TNXB: variants seen among roughly 807,000 people sequenced by gnomAD.
TNXB encodes the protein tenascin XB.
In TNXB, 183 loss-of-function variants were observed where a neutral mutation model predicts 340.5. The ratio of observed to expected loss-of-function variants is 0.54; its 90% CI spans 0.48 to 0.61. The LOEUF (loss-of-function observed/expected upper bound fraction) is 0.61. Ranked by LOEUF, TNXB falls within the 20% of genes least tolerant of loss-of-function variation. The pLI is 0.00. For synonymous variants in TNXB, 2,121 were observed against 2,314.5 expected (o/e 0.92, Z 2.40); for missense variants, 4,613 against 5,446.4 (o/e 0.85, Z 4.82).
In TNXB at chr6:32,084,304, A is replaced by G. The variant is rs1224210893; in HGVS notation, c.3445+109T>C. 7.3e-6 allele frequency: 8 copies of G among 1,101,310 alleles called. No individual in the cohort carries two copies. The African/African-American group carries it at 1.3e-4, about 17-fold the overall frequency. 68.2% of individuals were successfully genotyped at this position (1,101,310 alleles called of 1,614,324 possible). A position where few individuals can be genotyped will look rare whatever the true frequency, so the allele number is the denominator to read the frequency against. On this transcript the variant is annotated intron_variant, in intron 8 of 43. Coordinates refer to ENST00000644971, the MANE Select transcript of TNXB (RefSeq NM_001365276.2). The surrounding 1 kb of genome is among the most constrained non-coding windows in gnomAD (Gnocchi z 5.5). ...TTTCCCTTCAGAATTCAGCTCATGC[A>G]CCACTGCCTCCAGGAAGCCTTCCCG... is the stretch of plus-strand genomic sequence containing the variant.
rs1237120601 is a variant in TNXB at position 32,081,455 on chromosome 6, G to C, written c.3955C>G (p.Leu1319Val). 1 of 1,589,964 alleles carries C rather than the reference G, an allele frequency of 6.3e-7. No individual in the cohort carries two copies. The highest frequency in any genetic ancestry group is 1.3e-5 in the African/African-American group (1 of 74,602). ...GDENEVTVPG[L>V]DPDRKYKMNL... ...ATCTTATACTTCCGGTCGGGATCCA[G>C]GCCGGGGACAGTAACCTCATTCTCA... is the stretch of plus-strand genomic sequence containing the variant. Residue 1319 changes from leucine to valine, a missense_variant, in exon 10 of 44, where the codon CTG becomes GTG. Around this residue, in one of 7 missense-constraint regions of TNXB, gnomAD observed 4,327 missense variants for 4,859.4 expected, o/e 0.89. Coordinates refer to ENST00000644971, the MANE Select transcript of TNXB (RefSeq NM_001365276.2). The surrounding 1 kb of genome is among the most constrained non-coding windows in gnomAD (Gnocchi z 5.1).
Position 32,070,157 on chromosome 6 carries a change from G to GA in TNXB, c.5247_5248insT (p.His1750SerfsTer18). 1 of 1,596,414 alleles carries GA rather than the reference G, an allele frequency of 6.3e-7. No individual in the cohort carries two copies. The highest frequency in any genetic ancestry group is 8.6e-7 in the Non-Finnish European group (1 of 1,169,452). On this transcript the variant is annotated frameshift_variant, in exon 14 of 44. Transcript: ENST00000644971. LOFTEE classifies it high-confidence loss of function. The surrounding 1 kb of genome is among the most constrained non-coding windows in gnomAD (Gnocchi z 6.0). Reference sequence around the variant, plus strand: ...GTGCCGTCGGCAGTGAGAGGGCCATGGCGCTTCTTGCCCAGGAGGCCATAG... The same window carrying GA: ...GTGCCGTCGGCAGTGAGAGGGCCATGAGCGCTTCTTGCCCAGGAGGCCATAG...
intron 1 of TNXB, among the ~76,000 whole-genome samples, 159 bp downstream of exon 1, chr6:32,109,022 G>A (rs1781111736): frequency 6.6e-6 from 1 of 152,172 alleles, no homozygotes; most frequent in Non-Finnish European, 1.5e-5. Flanking sequence ...AGGGAGCCTG[G>A]TTCCCAGCGA....
chr6:32,064,100 T>C lies in TNXB; in HGVS notation c.6841+721A>G, dbSNP rs1414862680. Among the ~76,000 whole-genome samples the C allele has an allele frequency of 6.6e-6, 1 of 152,170 alleles. No individual in the cohort carries two copies. Among genetic ancestry groups the C allele is most frequent in the Non-Finnish European group, 1.5e-5 (1 of 68,026 alleles). On this transcript the variant is annotated intron_variant, in intron 19 of 43. Transcript: ENST00000644971. The surrounding 1 kb of genome is among the most constrained non-coding windows in gnomAD (Gnocchi z 5.3). ...GGGAAAGACTGCAGTTATCTCTCAT[T>C]GTGTGTGAGAGCCAAGCCACACTCC...
Position 32,046,491 on chromosome 6 carries a change from A to G in TNXB, c.10325-35T>C. 1.3e-6 allele frequency: 2 copies of G among 1,523,854 alleles called. No individual in the cohort carries two copies. Among genetic ancestry groups the G allele is most frequent in the Non-Finnish European group, 1.8e-6 (2 of 1,131,902 alleles). 94.4% of individuals were successfully genotyped at this position (1,523,854 alleles called of 1,614,324 possible). ...GGGAGGAGGGAAAGCTCTTAGTCACATGCTGCCTTTGCCTAAGCCCTGGCA... is the reference window on the plus strand; with the variant it reads ...GGGAGGAGGGAAAGCTCTTAGTCACGTGCTGCCTTTGCCTAAGCCCTGGCA... On this transcript the variant is annotated intron_variant, in intron 30 of 43. Coordinates refer to ENST00000644971, the MANE Select transcript of TNXB (RefSeq NM_001365276.2). The surrounding 1 kb of genome is among the most constrained non-coding windows in gnomAD (Gnocchi z 6.9).
intron 1 of TNXB, among the ~76,000 whole-genome samples, chr6:32,099,222 CCT>C (rs1463570071): frequency 1.5e-5 from 2 of 131,776 alleles, no homozygotes; most frequent in Non-Finnish European, 3.1e-5. Flanking sequence ...TTATCTTCTC[CCT>C]CTCTCTCTCA....
Position 32,056,859 on chromosome 6 carries a change from C to T in TNXB, c.7870G>A (p.Glu2624Lys), listed in dbSNP as rs763861508. The change falls in exon 23 of 44, where the codon GAG becomes AAG. Residue 2624 changes from glutamate to lysine, a missense_variant. Glu to Lys is a moderately conservative substitution (Grantham distance 56). Coordinates refer to ENST00000644971, the MANE Select transcript of TNXB (RefSeq NM_001365276.2). Reference protein sequence around the residue: ...TTQAVPTMTPEPPIKPRLGEL... With the variant: ...TTQAVPTMTPKPPIKPRLGEL... The stretch of plus-strand genomic sequence containing the variant: ...CCCAGGCGAGGCTTGATGGGGGGCT[C>T]AGGGGTCATGGTAGGCACTGCTTGG... The T allele has an allele frequency of 4.3e-6, 7 of 1,612,814 alleles. No homozygotes were observed. The South Asian group carries it at 6.6e-5, about 15-fold the overall frequency.
Position 32,075,075 on chromosome 6 carries a change from C to T in TNXB, c.4376-1123G>A, listed in dbSNP as rs1283651217. Among the ~76,000 whole-genome samples, 1 of 152,192 alleles carries T rather than the reference C, an allele frequency of 6.6e-6. No homozygotes were observed. The highest frequency in any genetic ancestry group is 1.5e-5 in the Non-Finnish European group (1 of 68,040). The stretch of plus-strand genomic sequence containing the variant: ...ACTCCACATCCGCCCTGTGGGTATC[C>T]GCCTGTTGTCACTACCTTCAGAGTC... On this transcript the variant is annotated intron_variant, in intron 11 of 43. Transcript: ENST00000644971. This position sits in a 1 kb window ranked among gnomAD's most constrained non-coding sequence, Gnocchi z 4.6.
At chr6:32,092,128 A>T (rs1780102176) in intron 4 of TNXB, among the ~76,000 whole-genome samples, 1 of 152,142 alleles carries the variant, frequency 6.6e-6, no homozygotes, top group Non-Finnish European at 1.5e-5. Context: ...CTCAGGCTGG[A>T]GGGGCATCAG....
intron 1 of TNXB, among the ~76,000 whole-genome samples, chr6:32,103,093 T>A (rs1033835348): frequency 4.1e-4 from 62 of 152,042 alleles, no homozygotes; most frequent in African/African-American, 1.4e-3. Flanking sequence ...CTCATTGAGC[T>A]GCACACTTAA....
In TNXB at chr6:32,058,156, G is replaced by A; in HGVS notation, c.7727C>T (p.Thr2576Ile). 1 of 1,612,692 alleles carries A rather than the reference G, an allele frequency of 6.2e-7. No homozygotes were observed. Among genetic ancestry groups the A allele is most frequent in the Non-Finnish European group, 8.5e-7 (1 of 1,179,856 alleles). Residue 2576 changes from threonine (T) to isoleucine (I), a missense_variant, in exon 22 of 44, where the codon ACT becomes ATT. Transcript: ENST00000644971. This position sits in a 1 kb window ranked among gnomAD's most constrained non-coding sequence, Gnocchi z 5.1. ...GCGCCCAGGCTCCAGGCCCCTCACA[G>A]TGACCTTGCTCTCCTGGCCCCCAAC... is the stretch of plus-strand genomic sequence containing the variant. ...VRVGGQESKV[T>I]VRGLEPGRKY...
At chr6:32,048,261 G>C in intron 29 of TNXB, 102 bp downstream of exon 29, 1 of 1,281,708 alleles carries the variant, frequency 7.8e-7, no homozygotes, top group Non-Finnish European at 1.1e-6. Context: ...ATAAATCAGT[G>C]GGTGCTGAGG....
In TNXB at chr6:32,068,841, G is replaced by T. The variant is rs1300526511; in HGVS notation, c.5883C>A (p.Val1961=). The change falls in exon 16 of 44, where the codon GTC becomes GTA. Residue 1961 remains valine, a synonymous_variant. Transcript: ENST00000644971. This position sits in a 1 kb window ranked among gnomAD's most constrained non-coding sequence, Gnocchi z 5.3. ...GFSDGKHVGP[V]HVEALTVPEE... ...TCTCACCTGTCAGGGCCTCGACATG[G>T]ACAGGACCTACATGCTTCCCATCAC... 2.8e-5 allele frequency: 45 copies of T among 1,609,170 alleles called. No homozygotes were observed. The highest frequency in any genetic ancestry group is 3.6e-5 in the Non-Finnish European group (42 of 1,176,936).
Position 32,073,516 on chromosome 6 carries a change from G to C in TNXB, c.4681+131C>G. 1 of 773,414 alleles carries C rather than the reference G, an allele frequency of 1.3e-6. No homozygotes were observed. The highest frequency in any genetic ancestry group is 2.0e-6 in the Non-Finnish European group (1 of 493,404). The allele number at this position is 773,414 out of a possible 1,614,324, so 47.9% of individuals were successfully genotyped here. On this transcript the variant is annotated intron_variant, in intron 12 of 43. Coordinates refer to ENST00000644971, the MANE Select transcript of TNXB (RefSeq NM_001365276.2). The surrounding 1 kb of genome is among the most constrained non-coding windows in gnomAD (Gnocchi z 4.6). ...GAACAGAAAGACTGGCAGGGTCACCGAGCCAGGGCCTGAGGGGATCTAGCC... is the reference window on the plus strand; with the variant it reads ...GAACAGAAAGACTGGCAGGGTCACCCAGCCAGGGCCTGAGGGGATCTAGCC...
chr6:32,056,477 G>T (rs1777650637), intron 23 of TNXB, 109 bp downstream of exon 23: 1 of 1,507,876 alleles, frequency 6.6e-7, no homozygotes, highest in Non-Finnish European at 9.0e-7. Context: ...CCACAAGCAG[G>T]TCTGTGGTGC....
Position 32,079,175 on chromosome 6 carries a change from C to T in TNXB, c.4233G>A (p.Gly1411=), listed in dbSNP as rs1240973239. The T allele has an allele frequency of 1.2e-6, 2 of 1,613,886 alleles. No homozygotes were observed. Among genetic ancestry groups the T allele is most frequent in the Non-Finnish European group, 1.7e-6 (2 of 1,179,886 alleles). ...CCCCAACACGCACCGCCCGGGGCCG[C>T]CCATCCCTGTCCTTGTACTGCACGG... ...SFTVQYKDRD[G]RPRAVRVGGK... The change falls in exon 11 of 44, where the codon GGG becomes GGA. Residue 1411 remains glycine, a synonymous_variant. Coordinates refer to ENST00000644971, the MANE Select transcript of TNXB (RefSeq NM_001365276.2). The surrounding 1 kb of genome is among the most constrained non-coding windows in gnomAD (Gnocchi z 7.1).
In TNXB at chr6:32,072,185, C is replaced by T; in HGVS notation, c.4795G>A (p.Val1599Ile). 4 of 1,613,520 alleles carry T rather than the reference C, an allele frequency of 2.5e-6. No homozygotes were observed. The highest frequency in any genetic ancestry group is 2.5e-6 in the Non-Finnish European group (3 of 1,179,700). The change falls in exon 13 of 44, where the codon GTC (valine) becomes ATC (isoleucine). Residue 1599 changes from valine (V) to isoleucine (I), a missense_variant. Coordinates refer to ENST00000644971, the MANE Select transcript of TNXB (RefSeq NM_001365276.2). This position sits in a 1 kb window ranked among gnomAD's most constrained non-coding sequence, Gnocchi z 4.4. ...AAGGAGTCGAATTCACCCTCAGGGACTGTCCATGAGAGGCCCACAGAGTCA... is the reference window on the plus strand; with the variant it reads ...AAGGAGTCGAATTCACCCTCAGGGATTGTCCATGAGAGGCCCACAGAGTCA... ...TPDSVGLSWTVPEGEFDSFVV... is the reference protein window; with the variant it reads ...TPDSVGLSWTIPEGEFDSFVV...
At chr6:32,100,441 C>T (rs1330544314) in intron 1 of TNXB, among the ~76,000 whole-genome samples, 2 of 152,154 alleles carry the variant, frequency 1.3e-5, no homozygotes, top group Non-Finnish European at 2.9e-5. Flanking sequence ...CAAAACCTAA[C>T]CATAGGCCGG....
chr6:32,100,249 C>G (rs1780648465), intron 1 of TNXB, among the ~76,000 whole-genome samples: 1 of 152,074 alleles, frequency 6.6e-6, no homozygotes, highest in Non-Finnish European at 1.5e-5. Context: ...GGATTACAGG[C>G]ATCTGCTCCC....
Sources: gnomAD v4.1 joint callset for allele counts (sites outside exome capture counted in the v4.1 genomes callset) on GRCh38, gnomAD v4.1.1 for gene constraint, gnomAD v4.1.1 regional missense constraint, Gnocchi (gnomAD v3.1) non-coding constraint, MANE v1.5 for transcripts, NCBI Gene and HGNC (gene_info 2026-07-23, HGNC 2026-07-21) for gene names.